The following TMEM163 variants were observed in gnomAD, a reference collection of about 807,000 sequenced individuals.
TMEM163 encodes transmembrane protein 163.
Under a neutral mutation model 29.3 loss-of-function variants are expected in TMEM163, and 17 were observed. That is an observed-to-expected ratio of 0.58 (90% CI 0.40 to 0.87). TMEM163 has a LOEUF of 0.87. Among genes scored for constraint, TMEM163 ranks in the 40% least tolerant of loss-of-function variants. The probability of loss-of-function intolerance (pLI) is 0.00; values close to 1 mark genes in which losing one functional copy is unlikely to be tolerated. For missense variants in TMEM163, 303 were observed against 381.5 expected, an observed-to-expected ratio of 0.79 and a Z score of 1.71; for synonymous variants, 157 against 160.6, an observed-to-expected ratio of 0.98 and a Z score of 0.17.
At chr2:134,695,276 C>A (rs527810644) in intron 2 of TMEM163, among the ~76,000 whole-genome samples, 14 of 152,134 alleles carry the variant, frequency 9.2e-5, no homozygotes, top group African/African-American at 3.1e-4. Context: ...TGGGGTTTCA[C>A]CATGTTGGCC....
chr2:134,693,915 C>T (rs1420240707), intron 2 of TMEM163, among the ~76,000 whole-genome samples: 2 of 152,146 alleles, frequency 1.3e-5, no homozygotes, highest in East Asian at 1.9e-4. Context: ...ACAATAAGCT[C>T]GCACTGCAGA....
chr2:134,594,926 A>C (rs1682033619), intron 2 of TMEM163, among the ~76,000 whole-genome samples: 1 of 151,706 alleles, frequency 6.6e-6, no homozygotes, highest in African/African-American at 2.4e-5. Flanking sequence ...AAGAATGACA[A>C]GGAAAGGTTT....
At chr2:134,475,516 CT>C (rs1686893808) in intron 5 of TMEM163, among the ~76,000 whole-genome samples, 1 of 151,984 alleles carries the variant, frequency 6.6e-6, no homozygotes, top group Non-Finnish European at 1.5e-5. Flanking sequence ...AAAATTAAAA[CT>C]TTTGCTCCTT....
At chr2:134,594,234 CA>C (rs1682007462) in intron 2 of TMEM163, among the ~76,000 whole-genome samples, 1 of 136,638 alleles carries the variant, frequency 7.3e-6, no homozygotes, top group Non-Finnish European at 1.5e-5. Context: ...GAAGGAGAGA[CA>C]GGGGGAGAGA....
intron 2 of TMEM163, among the ~76,000 whole-genome samples, chr2:134,650,292 C>T (rs1333578517): frequency 6.6e-6 from 1 of 151,802 alleles, no homozygotes; most frequent in Admixed American, 6.6e-5. Flanking sequence ...ATATTTTTAA[C>T]ATAAATAACT....
intron 2 of TMEM163, among the ~76,000 whole-genome samples, chr2:134,573,368 A>G (rs1681477349): frequency 1.3e-5 from 2 of 152,350 alleles, no homozygotes; most frequent in South Asian, 2.1e-4. Flanking sequence ...AATGTATCAG[A>G]AAGGTATAAG....
Position 134,460,153 on chromosome 2 carries a change from G to A in TMEM163, c.668-1980C>T, listed in dbSNP as rs1233553008. Among the ~76,000 whole-genome samples, 4 of 114,484 alleles carry A rather than the reference G, an allele frequency of 3.5e-5. No individual in the cohort carries two copies. Among genetic ancestry groups the A allele is most frequent in the African/African-American group, 1.0e-4 (3 of 29,026 alleles). The allele number at this position is 114,484 out of a possible 152,430, so 75.1% of individuals were successfully genotyped here. ...CCACCTGTGGCCCTCCCTGTACCCC[G>A]CCACAGCCAGAGGGACCCTCTGTCG... is the stretch of plus-strand genomic sequence containing the variant. On this transcript the variant is annotated intron_variant, in intron 6 of 7. Coordinates refer to ENST00000281924, the MANE Select transcript of TMEM163 (RefSeq NM_030923.5). This position sits in a 1 kb window ranked among gnomAD's most constrained non-coding sequence, Gnocchi z 4.3.
chr2:134,691,887 C>G (rs1224591692), intron 2 of TMEM163, among the ~76,000 whole-genome samples: 1 of 152,188 alleles, frequency 6.6e-6, no homozygotes, highest in Non-Finnish European at 1.5e-5. Flanking sequence ...ATCCTAATCC[C>G]TAGAACCTGT....
intron 2 of TMEM163, among the ~76,000 whole-genome samples, chr2:134,571,566 G>C (rs567999900): frequency 4.6e-5 from 7 of 152,240 alleles, no homozygotes; most frequent in African/African-American, 1.7e-4. Flanking sequence ...CCTAGCTTTG[G>C]TGACTCACAA....
At chr2:134,476,482 T>G in intron 5 of TMEM163, among the ~76,000 whole-genome samples, 1 of 152,080 alleles carries the variant, frequency 6.6e-6, no homozygotes, top group Admixed American at 6.5e-5. Context: ...TCAATAAAAC[T>G]AATTGTTTTA....
At chr2:134,705,300 A>G (rs1274849474) in intron 2 of TMEM163, among the ~76,000 whole-genome samples, 2 of 152,164 alleles carry the variant, frequency 1.3e-5, no homozygotes, top group Non-Finnish European at 2.9e-5. Context: ...TAAAGAGGTA[A>G]TTAAGTTCAA....
intron 4 of TMEM163, among the ~76,000 whole-genome samples, chr2:134,534,450 T>C (rs1023762698): frequency 1.3e-5 from 2 of 152,142 alleles, no homozygotes; most frequent in African/African-American, 2.4e-5. Context: ...TTCCTCAAGA[T>C]TGATTTATAA....
At chr2:134,541,982 G>A (rs1050949273) in intron 4 of TMEM163, among the ~76,000 whole-genome samples, 7 of 152,142 alleles carry the variant, frequency 4.6e-5, no homozygotes, top group African/African-American at 1.7e-4. Flanking sequence ...GCGGGGGTGG[G>A]AATGAAATTG....
At chr2:134,553,619 G>A (rs1680980869) in intron 2 of TMEM163, among the ~76,000 whole-genome samples, 1 of 152,182 alleles carries the variant, frequency 6.6e-6, no homozygotes, top group African/African-American at 2.4e-5. Flanking sequence ...GCCATATTCA[G>A]GTCCTCAAAC....
chr2:134,706,828 G>A (rs1289468517), intron 2 of TMEM163, among the ~76,000 whole-genome samples: 1 of 152,142 alleles, frequency 6.6e-6, no homozygotes, highest in African/African-American at 2.4e-5. Context: ...GTAACCAAAG[G>A]GGCCTGTCTG....
chr2:134,464,285 G>T (rs971154329), intron 6 of TMEM163, among the ~76,000 whole-genome samples: 1 of 152,088 alleles, frequency 6.6e-6, no homozygotes, highest in African/African-American at 2.4e-5. Context: ...CCTGGGGCAG[G>T]CACAGGGGCA....
rs116801373 is a variant in TMEM163, at chr2:134,497,452, C to A, written c.555+5449G>T. Among the ~76,000 whole-genome samples, 823 of 152,266 alleles carry A rather than the reference C, an allele frequency of 5.4e-3. 9 individuals carry two copies. Among genetic ancestry groups the A allele is most frequent in the African/African-American group, 0.018 (762 of 41,552 alleles). On this transcript the variant is annotated intron_variant, in intron 5 of 7. Transcript: ENST00000281924. ...CACTTAAGGAGTCTGGGCCCAGACA[C>A]TGGCCAAGAGCGCAAGGTGAAGAGG...
At chr2:134,456,813 C>T (rs753658346) in intron 7 of TMEM163, 37 bp from the exon 8 acceptor site, 8 of 1,608,258 alleles carry the variant, frequency 5.0e-6, no homozygotes, top group Non-Finnish European at 6.8e-6. Flanking sequence ...ACCTCCATGG[C>T]ATGGGGCTGA....
intron 2 of TMEM163, among the ~76,000 whole-genome samples, chr2:134,594,286 G>A (rs1029444643): frequency 6.6e-6 from 1 of 151,682 alleles, no homozygotes; most frequent in African/African-American, 2.4e-5. Context: ...GAGAGGGGGT[G>A]GGAAATGTTG....
Sources: gnomAD v4.1 joint callset for allele counts (sites outside exome capture counted in the v4.1 genomes callset) on GRCh38, gnomAD v4.1.1 for gene constraint, Gnocchi (gnomAD v3.1) non-coding constraint, MANE v1.5 for transcripts, NCBI Gene and HGNC (gene_info 2026-07-23, HGNC 2026-07-21) for gene names.